Variants in URB1 observed in about 807,000 individuals in gnomAD.
The protein encoded by URB1 is nucleolar pre-ribosomal-associated protein 1.
In URB1, 197 loss-of-function variants were observed where a neutral mutation model predicts 242.3. The ratio of observed to expected loss-of-function variants is 0.81; its 90% CI spans 0.72 to 0.91. The LOEUF is 0.91. Ranked by LOEUF, URB1 falls within the 40% of genes least tolerant of loss-of-function variation. URB1 has a pLI of 0.00. For missense variants in URB1, 2,721 were observed against 2,860.5 expected, an observed-to-expected ratio of 0.95 and a Z score of 1.11; for synonymous variants, 1,153 against 1,201.8, an observed-to-expected ratio of 0.96 and a Z score of 0.84.
chr21:32,331,145 C>T lies in URB1; in HGVS notation c.4960+2172G>A, dbSNP rs1183198309. 2.6e-5 allele frequency among the ~76,000 whole-genome samples: 4 copies of T among 152,236 alleles called. No individual in the cohort carries two copies. In the East Asian group the frequency reaches 5.8e-4, roughly 22 times the overall value. On this transcript the variant is annotated intron_variant, in intron 30 of 38. Coordinates refer to ENST00000382751, the MANE Select transcript of URB1 (RefSeq NM_014825.3). ...AGTCTGGGAGTCCATTCAGGGATCA[C>T]GCGAACCAGCACAGAAGCAAAATGT...
At chr21:32,382,314 T>C (rs1383760147) in intron 4 of URB1, among the ~76,000 whole-genome samples, 1 of 152,218 alleles carries the variant, frequency 6.6e-6, no homozygotes, top group Non-Finnish European at 1.5e-5. Context: ...CGTATTTAAA[T>C]GTCAGGAGCC....
At position 32,363,037 on chromosome 21, in the gene URB1, G is replaced by A. The variant is rs565618391; in HGVS notation, c.1509+119C>T. ...ACCCACGCTACCACACTGCCCACCG[G>A]CCTGTCCAACCCTGCGGCTCCAAGG... is the stretch of plus-strand genomic sequence containing the variant. On this transcript the variant is annotated intron_variant, in intron 11 of 38. Transcript: ENST00000382751. 20 of 1,315,548 alleles carry A rather than the reference G, an allele frequency of 1.5e-5. No individual in the cohort carries two copies. The African/African-American group carries it at 3.0e-4, about 19-fold the overall frequency. 81.5% of individuals were successfully genotyped at this position (1,315,548 alleles called of 1,614,324 possible).
intron 4 of URB1, among the ~76,000 whole-genome samples, chr21:32,380,150 G>A (rs2033507547): frequency 6.6e-6 from 1 of 152,124 alleles, no homozygotes. Context: ...CAGGGTGCAA[G>A]GACCATACTT....
At chr21:32,319,942 G>A (rs924588550) in intron 35 of URB1, among the ~76,000 whole-genome samples, 8 of 152,328 alleles carry the variant, frequency 5.3e-5, no homozygotes, top group Admixed American at 4.6e-4. Flanking sequence ...TTGTAAGACA[G>A]AGCCCTCCCG....
At chr21:32,388,087 C>A (rs988893801) in intron 1 of URB1, among the ~76,000 whole-genome samples, 1 of 152,226 alleles carries the variant, frequency 6.6e-6, no homozygotes, top group African/African-American at 2.4e-5. Flanking sequence ...TAAGCCACAT[C>A]TGCCGGGGAC....
At position 32,392,761 on chromosome 21, in the gene URB1, G is replaced by C; in HGVS notation, c.142+8C>G. On this transcript the variant is annotated splice_region_variant and intron_variant, in intron 1 of 38. Transcript: ENST00000382751. ...CTCCCGACCCTGCGCCTGCCGCCCC[G>C]GACTCACCTGGCCCGGGGCCCTGCG... 6.9e-7 allele frequency: 1 copy of C among 1,449,722 alleles called. No homozygotes were observed. Among genetic ancestry groups the C allele is most frequent in the Non-Finnish European group, 9.1e-7 (1 of 1,099,214 alleles). 89.8% of individuals were successfully genotyped at this position (1,449,722 alleles called of 1,614,324 possible).
Position 32,336,998 on chromosome 21 carries a change from CA to C in URB1, c.4685+95del, listed in dbSNP as rs374414870. The C allele has an allele frequency of 9.6e-5, 123 of 1,285,448 alleles. No individual in the cohort carries two copies. In the African/African-American group the frequency reaches 1.7e-3, roughly 17 times the overall value. 79.6% of individuals were successfully genotyped at this position (1,285,448 alleles called of 1,614,324 possible). On this transcript the variant is annotated intron_variant, in intron 28 of 38. Transcript: ENST00000382751. ...CCTGCCTCACTCTTTCCCTGAGAAC[CA>C]AAATGGAATGAGAGAAAATCTCGAG...
Position 32,312,242 on chromosome 21 carries a change from T to G in URB1, c.*2676A>C. 9.8e-6 allele frequency: 14 copies of G among 1,427,454 alleles called. No homozygotes were observed. Among genetic ancestry groups the G allele is most frequent in the Non-Finnish European group, 1.3e-5 (14 of 1,094,308 alleles). 88.4% of individuals were successfully genotyped at this position (1,427,454 alleles called of 1,614,324 possible). The stretch of plus-strand genomic sequence containing the variant: ...AGCCTGCTTGCTTACTGCTTATATT[T>G]GCTCAGGGAAGAGTAGGAAAATAAA... On this transcript the variant is annotated 3_prime_UTR_variant, in exon 39 of 39. Coordinates refer to ENST00000382751, the MANE Select transcript of URB1 (RefSeq NM_014825.3).
chr21:32,323,114 G>A (rs1427741332), intron 32 of URB1, among the ~76,000 whole-genome samples: 1 of 152,198 alleles, frequency 6.6e-6, no homozygotes, highest in Admixed American at 6.5e-5. Flanking sequence ...ATGCTGCCCT[G>A]CACACGCTCC....
intron 30 of URB1, among the ~76,000 whole-genome samples, chr21:32,328,191 G>A (rs1224300143): frequency 6.6e-6 from 1 of 152,238 alleles, no homozygotes; most frequent in African/African-American, 2.4e-5. Context: ...AGGCTGGAGT[G>A]CAGTGGCACA....
chr21:32,327,466 C>A (rs1222903392), intron 30 of URB1, among the ~76,000 whole-genome samples: 1 of 151,524 alleles, frequency 6.6e-6, no homozygotes, highest in South Asian at 2.1e-4. Context: ...AAAGTTAAGA[C>A]TTTTTTCAGA....
In URB1 at chr21:32,321,944, G is replaced by C. The variant is rs1332057027; in HGVS notation, c.5341C>G (p.Gln1781Glu). Residue 1781 changes from glutamine (Q) to glutamate (E), a missense_variant and splice_region_variant, in exon 34 of 39, where the codon CAA becomes GAA. Coordinates refer to ENST00000382751, the MANE Select transcript of URB1 (RefSeq NM_014825.3). ...YQFFYSSDFE[Q>E]KTEQKWVFGV... ...AACACCCACTTCTGCTCTGTTTTTTGCTATAACCCAGGCACACAAAAAACT... is the reference window on the plus strand; with the variant it reads ...AACACCCACTTCTGCTCTGTTTTTTCCTATAACCCAGGCACACAAAAAACT... 2 of 1,551,058 alleles carry C rather than the reference G, an allele frequency of 1.3e-6. No individual in the cohort carries two copies. Among genetic ancestry groups the C allele is most frequent in the Admixed American group, 3.9e-5 (2 of 50,986 alleles).
chr21:32,385,456 T>C, intron 2 of URB1, 89 bp downstream of exon 2: 6 of 1,467,432 alleles, frequency 4.1e-6, no homozygotes, highest in Non-Finnish European at 5.4e-6. Context: ...AAGTTGGTAA[T>C]GGAAATTTCT....
intron 30 of URB1, among the ~76,000 whole-genome samples, chr21:32,327,498 GGTC>G (rs1172133389): frequency 3.3e-5 from 5 of 151,522 alleles, no homozygotes; most frequent in African/African-American, 1.2e-4. Flanking sequence ...TAAAACAATT[GGTC>G]ACCAGTAGAC....
chr21:32,316,502 G>C lies in URB1; in HGVS notation c.6598C>G (p.Leu2200Val). The C allele has an allele frequency of 6.5e-7, 1 of 1,544,560 alleles. No individual in the cohort carries two copies. The highest frequency in any genetic ancestry group is 8.7e-7 in the Non-Finnish European group (1 of 1,143,810). ...PFHPAMEALSLSSLSEKDEAT... is the reference protein window; with the variant it reads ...PFHPAMEALSVSSLSEKDEAT... ...TCATCCTTCTCACTCAGAGAAGACA[G>C]GGAGAGGGCTTCCATGGCCGGGTGG... Residue 2200 changes from leucine (L) to valine (V), a missense_variant, in exon 38 of 39, where the codon CTG becomes GTG. Leu to Val is a conservative substitution (Grantham distance 32, BLOSUM62 1). Transcript: ENST00000382751.
In URB1 at chr21:32,311,897, C is replaced by T; in HGVS notation, c.*3021G>A. On this transcript the variant is annotated 3_prime_UTR_variant, in exon 39 of 39. Transcript: ENST00000382751. ...CCCTCGGGGGTTTCCAGACCCACCC[C>T]ACTCTCCTCTGGGAACTGACCCTCA... is the stretch of plus-strand genomic sequence containing the variant. 1.2e-6 allele frequency: 2 copies of T among 1,614,020 alleles called. No individual in the cohort carries two copies. The highest frequency in any genetic ancestry group is 1.7e-6 in the Non-Finnish European group (2 of 1,180,044).
At chr21:32,372,719 G>T in intron 7 of URB1, 88 bp from the exon 8 acceptor site, 1 of 1,378,296 alleles carries the variant, frequency 7.3e-7, no homozygotes. Context: ...AATATTAACT[G>T]CCGATGACAA....
chr21:32,338,990 T>A (rs2032997290), intron 25 of URB1, 90 bp from the exon 26 acceptor site: 3 of 1,231,066 alleles, frequency 2.4e-6, no homozygotes, highest in Non-Finnish European at 3.3e-6. Flanking sequence ...CTCAGTATTT[T>A]ATTTATTTAT....
chr21:32,337,682 T>C (rs1487658097), intron 26 of URB1, among the ~76,000 whole-genome samples, 168 bp from the exon 27 acceptor site: 1 of 152,118 alleles, frequency 6.6e-6, no homozygotes, highest in Non-Finnish European at 1.5e-5. Flanking sequence ...TTTTTTGTTA[T>C]TATTATTTTC....
Sources: allele counts gnomAD v4.1 joint callset (sites outside exome capture counted in the v4.1 genomes callset), GRCh38; gene constraint gnomAD v4.1.1; transcripts MANE v1.5; gene names NCBI Gene and HGNC (gene_info 2026-07-23, HGNC 2026-07-21).